The following C8orf34 variants were observed in gnomAD, a reference collection of about 807,000 sequenced individuals.
The protein encoded by C8orf34 is uncharacterized protein C8orf34.
In C8orf34, 65 loss-of-function variants were observed where a neutral mutation model predicts 68.3. The ratio of observed to expected loss-of-function variants is 0.95; its 90% CI spans 0.78 to 1.17. The LOEUF is 1.17. C8orf34 is among the 50% of genes most tolerant of loss of function. The pLI is 0.00. For missense variants in C8orf34, 664 were observed against 655.4 expected (o/e 1.01, Z -0.14); for synonymous variants, 244 against 241.2 (o/e 1.01, Z -0.11).
chr8:68,520,635 T>A (rs944168378), intron 5 of C8orf34, among the ~76,000 whole-genome samples: 4 of 147,524 alleles, frequency 2.7e-5, no homozygotes, highest in Admixed American at 6.7e-5. Flanking sequence ...TTTTTTTTTT[T>A]TGTATTTTTA....
At chr8:68,620,284 A>T (rs1211508232) in intron 7 of C8orf34, among the ~76,000 whole-genome samples, 1 of 152,116 alleles carries the variant, frequency 6.6e-6, no homozygotes, top group Non-Finnish European at 1.5e-5. Flanking sequence ...GCGCAAAGGG[A>T]CCTCACACCA....
chr8:68,495,766 A>C (rs918425332), intron 5 of C8orf34, among the ~76,000 whole-genome samples: 2 of 152,158 alleles, frequency 1.3e-5, no homozygotes, highest in African/African-American at 4.8e-5. Context: ...CAGAGTCTAC[A>C]CTCTCAATCT....
At chr8:68,800,485 T>G (rs374450234) in intron 12 of C8orf34, among the ~76,000 whole-genome samples, 531 of 152,328 alleles carry the variant, frequency 3.5e-3, no homozygotes, top group Middle Eastern at 0.014. Flanking sequence ...TTTTAAAACT[T>G]TGCTTTTACT....
At chr8:68,618,787 G>C (rs986591468) in intron 7 of C8orf34, among the ~76,000 whole-genome samples, 1 of 152,172 alleles carries the variant, frequency 6.6e-6, no homozygotes, top group African/African-American at 2.4e-5. Context: ...TGGATCTAGA[G>C]GGGAGCAGAC....
chr8:68,778,653 T>A (rs2129528684), intron 11 of C8orf34, among the ~76,000 whole-genome samples: 1 of 152,320 alleles, frequency 6.6e-6, no homozygotes, highest in African/African-American at 2.4e-5. Context: ...TACATTTCTT[T>A]GTCCTCAAAA....
At chr8:68,682,928 C>T (rs912654931) in intron 8 of C8orf34, among the ~76,000 whole-genome samples, 36 of 152,056 alleles carry the variant, frequency 2.4e-4, no homozygotes, top group South Asian at 4.2e-4. Context: ...ATGTTTCGCG[C>T]GGCTGTACTT....
chr8:68,603,955 A>T (rs1817780104), intron 7 of C8orf34, among the ~76,000 whole-genome samples: 1 of 152,302 alleles, frequency 6.6e-6, no homozygotes, highest in South Asian at 2.1e-4. Flanking sequence ...CTAATAATCA[A>T]ATTAGAAGGC....
intron 1 of C8orf34, among the ~76,000 whole-genome samples, chr8:68,433,578 G>A (rs1810535414): frequency 1.3e-5 from 2 of 152,200 alleles, no homozygotes; most frequent in African/African-American, 4.8e-5. Context: ...TTTTTAGGCA[G>A]AGTGCCATGC....
At chr8:68,383,269 C>A (rs1808119477) in intron 1 of C8orf34, among the ~76,000 whole-genome samples, 1 of 152,102 alleles carries the variant, frequency 6.6e-6, no homozygotes, top group Non-Finnish European at 1.5e-5. Flanking sequence ...CGATGTAGAG[C>A]ACATTAAGAG....
chr8:68,603,336 G>C (rs2130509059), intron 7 of C8orf34, among the ~76,000 whole-genome samples: 1 of 152,026 alleles, frequency 6.6e-6, no homozygotes, highest in African/African-American at 2.4e-5. Context: ...ACTTGGCAAG[G>C]CTATTCCTCT....
At chr8:68,768,720 A>G (rs1346346049) in intron 10 of C8orf34, among the ~76,000 whole-genome samples, 1 of 152,134 alleles carries the variant, frequency 6.6e-6, no homozygotes, top group African/African-American at 2.4e-5. Context: ...GCAATTTGTA[A>G]GAGTCATATG....
intron 4 of C8orf34, among the ~76,000 whole-genome samples, chr8:68,476,911 G>A (rs1229309306): frequency 6.6e-6 from 1 of 152,150 alleles, no homozygotes; most frequent in Non-Finnish European, 1.5e-5. Context: ...TTGTAAGGCT[G>A]GTCCTGTTAC....
intron 1 of C8orf34, among the ~76,000 whole-genome samples, chr8:68,376,572 C>T (rs985123041): frequency 6.6e-6 from 1 of 151,928 alleles, no homozygotes; most frequent in African/African-American, 2.4e-5. Context: ...TTGGGCCTGC[C>T]TGCCTCCCTT....
intron 9 of C8orf34, among the ~76,000 whole-genome samples, chr8:68,715,007 C>CA (rs1305702814): frequency 6.6e-6 from 1 of 152,004 alleles, no homozygotes. Flanking sequence ...ACAAAGCAAA[C>CA]AAAAACATAA....
chr8:68,703,086 A>G (rs1684208623), intron 8 of C8orf34, among the ~76,000 whole-genome samples: 1 of 152,154 alleles, frequency 6.6e-6, no homozygotes, highest in African/African-American at 2.4e-5. Flanking sequence ...TGACTAGTCC[A>G]TCTTCCTTAA....
chr8:68,521,778 A>C, intron 5 of C8orf34, 21 bp from the exon 6 acceptor site: 1 of 1,603,372 alleles, frequency 6.2e-7, no homozygotes, highest in Non-Finnish European at 8.5e-7. Context: ...CTAAGACAGC[A>C]TATTCTTTTC....
intron 7 of C8orf34, among the ~76,000 whole-genome samples, chr8:68,599,927 A>G (rs779700715): frequency 5.9e-5 from 9 of 152,056 alleles, no homozygotes; most frequent in Non-Finnish European, 1.2e-4. Context: ...AAGAATTTCT[A>G]GAAAACTTTA....
intron 1 of C8orf34, among the ~76,000 whole-genome samples, chr8:68,432,879 G>A (rs1484350486): frequency 6.6e-6 from 1 of 152,034 alleles, no homozygotes; most frequent in Admixed American, 6.6e-5. Flanking sequence ...TAATGAGGCA[G>A]GAAAAACATG....
At position 68,692,493 on chromosome 8, in the gene C8orf34, G is replaced by A. The variant is rs117440433; in HGVS notation, c.1242-16501G>A. Among the ~76,000 whole-genome samples the A allele has an allele frequency of 6.9e-3, 1,047 of 152,048 alleles. 18 individuals carry two copies. Among genetic ancestry groups the A allele is most frequent in the East Asian group, 0.044 (228 of 5,156 alleles). On this transcript the variant is annotated intron_variant, in intron 8 of 13. Coordinates refer to ENST00000518698, the MANE Select transcript of C8orf34 (RefSeq NM_052958.4). ...GGGAATGAGTAGTTCACAAAGAAGT[G>A]GCTTTGAATTCCAGCTTATATAGTG...
Sources: gnomAD v4.1 joint callset for allele counts (sites outside exome capture counted in the v4.1 genomes callset) on GRCh38, gnomAD v4.1.1 for gene constraint, MANE v1.5 for transcripts, NCBI Gene and HGNC (gene_info 2026-07-23, HGNC 2026-07-21) for gene names.